The following PTPRG variants were observed in gnomAD, a reference collection of about 807,000 sequenced individuals.
PTPRG encodes receptor-type tyrosine-protein phosphatase gamma.
PTPRG carries 102 observed loss-of-function variants against 165.3 expected under a neutral mutation model. That is an observed-to-expected ratio of 0.62 (90% confidence interval 0.53 to 0.73). PTPRG has a LOEUF of 0.73. PTPRG is among the 30% of genes least tolerant of loss of function. The pLI is 0.00. For missense variants in PTPRG, 1,866 were observed against 1,861.4 expected, an observed-to-expected ratio of 1.00 and a Z score of -0.05; for synonymous variants, 675 against 669.5, an observed-to-expected ratio of 1.01 and a Z score of -0.13.
intron 23 of PTPRG, 108 bp from the exon 24 acceptor site, chr3:62,275,765 G>GA (rs1157363305): frequency 7.7e-6 from 6 of 782,142 alleles, no homozygotes; most frequent in Non-Finnish European, 1.2e-5. Context: ...TTGTGGCACA[G>GA]AAATGGTCTT....
intron 2 of PTPRG, chr3:61,750,267 A>G (rs993771710): frequency 6.6e-6 from 1 of 152,238 alleles, no homozygotes; most frequent in Non-Finnish European, 1.5e-5. Context: ...TGTGGCTCTG[A>G]CATCAGTCAG....
chr3:62,039,781 G>A (rs762364845), intron 4 of PTPRG, among the ~76,000 whole-genome samples: 9 of 152,194 alleles, frequency 5.9e-5, no homozygotes, highest in Non-Finnish European at 1.3e-4. Flanking sequence ...TCCGTTGCCA[G>A]CACAGCTGTA....
At chr3:61,884,177 C>A (rs1307289439) in intron 2 of PTPRG, among the ~76,000 whole-genome samples, 1 of 151,994 alleles carries the variant, frequency 6.6e-6, no homozygotes, top group Non-Finnish European at 1.5e-5. Flanking sequence ...TTTCTTTATC[C>A]CCCTTTCGAA....
intron 4 of PTPRG, among the ~76,000 whole-genome samples, chr3:62,072,899 G>A (rs1701256410): frequency 6.6e-6 from 1 of 152,078 alleles, no homozygotes; most frequent in South Asian, 2.1e-4. Flanking sequence ...GGACTTAAAT[G>A]GCCAATTCTA....
intron 2 of PTPRG, among the ~76,000 whole-genome samples, chr3:61,828,815 G>C (rs950246124): frequency 7.9e-5 from 12 of 152,222 alleles, no homozygotes; most frequent in African/African-American, 2.9e-4. Context: ...TATGTGAAAA[G>C]AGGTGAGCTG....
intron 2 of PTPRG, among the ~76,000 whole-genome samples, chr3:61,920,583 A>G (rs2039054260): frequency 6.6e-6 from 1 of 152,032 alleles, no homozygotes; most frequent in African/African-American, 2.4e-5. Flanking sequence ...TTTAGTTTAG[A>G]CGGGGTTTCA....
intron 4 of PTPRG, among the ~76,000 whole-genome samples, chr3:62,070,954 A>G (rs534717413): frequency 9.9e-5 from 15 of 151,650 alleles, no homozygotes; most frequent in African/African-American, 3.7e-4. Flanking sequence ...AAAAGAAAAA[A>G]AAAGAAAAAT....
chr3:62,180,416 A>G (rs1705600725), intron 8 of PTPRG, among the ~76,000 whole-genome samples: 1 of 152,198 alleles, frequency 6.6e-6, no homozygotes, highest in African/African-American at 2.4e-5. Context: ...TACCCACCCT[A>G]GCTCCGCAGC....
intron 1 of PTPRG, among the ~76,000 whole-genome samples, chr3:61,606,810 C>T (rs1262378504): frequency 6.6e-6 from 1 of 152,192 alleles, no homozygotes; most frequent in African/African-American, 2.4e-5. Context: ...GGGAGGAGCC[C>T]TCAGGGCCTC....
intron 27 of PTPRG, among the ~76,000 whole-genome samples, chr3:62,282,105 A>G (rs140454640): frequency 0.014 from 2,094 of 152,118 alleles, 18 homozygotes; most frequent in Non-Finnish European, 0.022. Flanking sequence ...TATATTAGTA[A>G]TTTAAAGGAT....
At chr3:61,575,573 C>T (rs146600677) in intron 1 of PTPRG, among the ~76,000 whole-genome samples, 1 of 150,752 alleles carries the variant, frequency 6.6e-6, no homozygotes, top group East Asian at 1.9e-4. Flanking sequence ...GTGCAAAGCA[C>T]CAGAAAAGCA....
chr3:61,846,150 A>C (rs994145839), intron 2 of PTPRG, among the ~76,000 whole-genome samples: 14 of 152,222 alleles, frequency 9.2e-5, no homozygotes, highest in African/African-American at 3.1e-4. Context: ...TACGGTGTCT[A>C]ATCTCTGATA....
At chr3:61,712,409 T>C (rs2031609652) in intron 1 of PTPRG, among the ~76,000 whole-genome samples, 1 of 152,124 alleles carries the variant, frequency 6.6e-6, no homozygotes, top group East Asian at 1.9e-4. Flanking sequence ...CCCATTGATA[T>C]TGTTTGGCTC....
intron 1 of PTPRG, among the ~76,000 whole-genome samples, chr3:61,664,974 A>G (rs1702768210): frequency 6.6e-6 from 1 of 152,240 alleles, no homozygotes; most frequent in Admixed American, 6.5e-5. Flanking sequence ...TCTTGGAACC[A>G]CTAGCAGGTG....
chr3:62,110,267 T>G (rs1702622359), intron 5 of PTPRG, among the ~76,000 whole-genome samples: 1 of 151,976 alleles, frequency 6.6e-6, no homozygotes, highest in Non-Finnish European at 1.5e-5. Flanking sequence ...CTGAAAGAGA[T>G]GTGCTAAGAG....
chr3:61,933,115 A>G (rs904533101), intron 2 of PTPRG, among the ~76,000 whole-genome samples: 2 of 152,332 alleles, frequency 1.3e-5, no homozygotes, highest in East Asian at 3.9e-4. Flanking sequence ...AGTTCCTCAG[A>G]AAGCATAAAT....
chr3:61,948,793 G>T (rs1575814654), intron 2 of PTPRG, among the ~76,000 whole-genome samples: 1 of 152,132 alleles, frequency 6.6e-6, no homozygotes, highest in South Asian at 2.1e-4. Context: ...GAGAGTTAAT[G>T]TATTTACCTT....
At chr3:62,280,843 T>A (rs1397977626) in intron 26 of PTPRG, among the ~76,000 whole-genome samples, 1 of 151,824 alleles carries the variant, frequency 6.6e-6, no homozygotes, top group Non-Finnish European at 1.5e-5. Context: ...TAAAGAAATT[T>A]GTGGGGTAGG....
chr3:61,699,229 T>A (rs1358445236), intron 1 of PTPRG, among the ~76,000 whole-genome samples: 1 of 152,050 alleles, frequency 6.6e-6, no homozygotes, highest in African/African-American at 2.4e-5. Context: ...CAGGGTGGTA[T>A]GGCCGTAGGA....
Sources: allele counts gnomAD v4.1 joint callset (sites outside exome capture counted in the v4.1 genomes callset), GRCh38; gene constraint gnomAD v4.1.1; transcripts MANE v1.5; gene names NCBI Gene and HGNC (gene_info 2026-07-23, HGNC 2026-07-21).